The following FYN variants were observed in gnomAD, a reference collection of about 807,000 sequenced individuals.
The protein encoded by FYN is tyrosine-protein kinase Fyn.
Under a neutral mutation model 70.2 loss-of-function variants are expected in FYN, and 10 were observed. The ratio of observed to expected loss-of-function variants is 0.14; its 90% confidence interval spans 0.09 to 0.24. The LOEUF (loss-of-function observed/expected upper bound fraction) is 0.24. FYN is among the 10% of genes least tolerant of loss of function. FYN has a pLI of 1.00. For missense variants in FYN, 319 were observed against 673.1 expected (o/e 0.47, Z 5.82); for synonymous variants, 236 against 248.6 (o/e 0.95, Z 0.48).
At chr6:111,674,816 G>C (rs577639834) in intron 12 of FYN, among the ~76,000 whole-genome samples, 186 bp from the exon 13 acceptor site, 4 of 152,230 alleles carry the variant, frequency 2.6e-5, no homozygotes, top group Admixed American at 2.6e-4. Context: ...CTGTGTGACC[G>C]TAAGTAATCC....
intron 12 of FYN, among the ~76,000 whole-genome samples, chr6:111,693,708 A>T (rs804188): frequency 0.38 from 58,213 of 151,584 alleles, 15,555 homozygotes; most frequent in African/African-American, 0.75. Flanking sequence ...GTGTAAGTCC[A>T]CTCTCCACTC....
At chr6:111,840,451 A>C (rs1169302044) in intron 2 of FYN, among the ~76,000 whole-genome samples, 3 of 152,216 alleles carry the variant, frequency 2.0e-5, no homozygotes, top group African/African-American at 7.2e-5. Context: ...GAAAGACAGG[A>C]AACAGATTCT....
chr6:111,856,314 A>G (rs1773821660), intron 1 of FYN, among the ~76,000 whole-genome samples: 1 of 152,242 alleles, frequency 6.6e-6, no homozygotes. Flanking sequence ...ATGTACACAT[A>G]GAAGCCAATC....
rs772516880 is a variant in FYN, at chr6:111,714,454, G to A, written c.248-11C>T. The stretch of plus-strand genomic sequence containing the variant: ...CAAAGAGTGTCACTCCTGCCGAAAC[G>A]AAATTCACAAGAAGGGAGATTATTA... On this transcript the variant is annotated splice_polypyrimidine_tract_variant and intron_variant, in intron 4 of 13. Coordinates refer to ENST00000354650, the MANE Select transcript of FYN (RefSeq NM_002037.5). 1.8e-5 allele frequency: 29 copies of A among 1,590,404 alleles called. No individual in the cohort carries two copies. Among genetic ancestry groups the A allele is most frequent in the Non-Finnish European group, 2.5e-5 (29 of 1,158,632 alleles).
chr6:111,793,106 G>A (rs192579787), intron 2 of FYN, among the ~76,000 whole-genome samples: 3 of 152,040 alleles, frequency 2.0e-5, no homozygotes, highest in Non-Finnish European at 2.9e-5. Flanking sequence ...TATAAGTATC[G>A]AAAGCAAAAA....
chr6:111,763,559 T>C (rs1012336487), intron 3 of FYN, among the ~76,000 whole-genome samples: 1 of 152,182 alleles, frequency 6.6e-6, no homozygotes, highest in Non-Finnish European at 1.5e-5. Context: ...TTGGAAACCT[T>C]CCAACATTTT....
At position 111,724,769 on chromosome 6, in the gene FYN, C is replaced by T. The variant is rs1368853541; in HGVS notation, c.-11-4707G>A. On this transcript the variant is annotated intron_variant, in intron 3 of 13. Transcript: ENST00000354650. ...GAAGTGACAGCCCTTAGGCATAATC[C>T]CTGCTTCTGACAGCCTCCAGCAGAC... Among the ~76,000 whole-genome samples, 43 of 152,118 alleles carry T rather than the reference C, an allele frequency of 2.8e-4. 1 individual carries two copies. The highest frequency in any genetic ancestry group is 1.5e-5 in the Non-Finnish European group (1 of 68,028).
rs1001781343 is a variant in FYN at position 111,809,468 on chromosome 6, G to A, written c.-81-28833C>T. On this transcript the variant is annotated intron_variant, in intron 2 of 13. Transcript: ENST00000354650. Reference sequence around the variant, plus strand: ...TCCTCTGGATTAGTCATGGTGCTTCGTGGCATGGGGAATGATGTGAGCTCC... The same window carrying A: ...TCCTCTGGATTAGTCATGGTGCTTCATGGCATGGGGAATGATGTGAGCTCC... Among the ~76,000 whole-genome samples, 6 of 152,342 alleles carry A rather than the reference G, an allele frequency of 3.9e-5. 1 individual carries two copies. Among genetic ancestry groups the A allele is most frequent in the Non-Finnish European group, 1.5e-5 (1 of 68,030 alleles).
rs1292603529 is a variant in FYN at position 111,694,199 on chromosome 6, G to A, written c.1273+176C>T. Among the ~76,000 whole-genome samples the A allele has an allele frequency of 1.3e-5, 2 of 152,002 alleles. No homozygotes were observed. Among genetic ancestry groups the A allele is most frequent in the Non-Finnish European group, 2.9e-5 (2 of 68,024 alleles). Reference sequence around the variant, plus strand: ...TCATCCCTCCACTGGGCCCACAACAGTCTCCCACCTGCAGAGCTGTCAAAT... The same window carrying A: ...TCATCCCTCCACTGGGCCCACAACAATCTCCCACCTGCAGAGCTGTCAAAT... On this transcript the variant is annotated intron_variant, in intron 12 of 13. Transcript: ENST00000354650. This position sits in a 1 kb window ranked among gnomAD's most constrained non-coding sequence, Gnocchi z 5.0.
chr6:111,818,553 C>T (rs1208337270), intron 2 of FYN: 1 of 152,234 alleles, frequency 6.6e-6, no homozygotes, highest in East Asian at 1.9e-4. Context: ...GCCTGGTGGA[C>T]TGTGCTGTTC....
At chr6:111,802,582 C>T (rs1562527002) in intron 2 of FYN, among the ~76,000 whole-genome samples, 1 of 152,056 alleles carries the variant, frequency 6.6e-6, no homozygotes, top group Non-Finnish European at 1.5e-5. Flanking sequence ...CAGGTGCCTG[C>T]TATCACACCC....
intron 3 of FYN, among the ~76,000 whole-genome samples, chr6:111,746,576 G>A (rs1254772727): frequency 6.6e-6 from 1 of 152,020 alleles, no homozygotes; most frequent in Non-Finnish European, 1.5e-5. Flanking sequence ...AGTATTCCAT[G>A]GTATGAATAT....
chr6:111,808,641 T>A (rs1470001685), intron 2 of FYN, among the ~76,000 whole-genome samples: 1 of 151,644 alleles, frequency 6.6e-6, no homozygotes, highest in Non-Finnish European at 1.5e-5. Context: ...CAGAGCAGAG[T>A]GGAGAGTATT....
chr6:111,840,792 A>G (rs1773335915), intron 2 of FYN, among the ~76,000 whole-genome samples: 1 of 152,224 alleles, frequency 6.6e-6, no homozygotes, highest in African/African-American at 2.4e-5. Flanking sequence ...CATTCTTCAC[A>G]TATATTTTAT....
chr6:111,847,175 T>C (rs1305888931), intron 1 of FYN, among the ~76,000 whole-genome samples: 1 of 152,194 alleles, frequency 6.6e-6, no homozygotes, highest in Non-Finnish European at 1.5e-5. Context: ...TGCAGGAGGT[T>C]TGCCAACCCA....
chr6:111,674,793 G>A (rs1351395118), intron 12 of FYN, among the ~76,000 whole-genome samples, 163 bp from the exon 13 acceptor site: 2 of 152,026 alleles, frequency 1.3e-5, no homozygotes, highest in Non-Finnish European at 2.9e-5. Flanking sequence ...GAAGATGTAG[G>A]GTCTGGTCTT....
intron 10 of FYN, among the ~76,000 whole-genome samples, chr6:111,695,600 T>C (rs1434304989): frequency 4.6e-5 from 7 of 152,230 alleles, no homozygotes; most frequent in Admixed American, 4.6e-4. Context: ...CATTAAATTT[T>C]AAAAGAAAGT....
In FYN at chr6:111,661,580, T is replaced by A; in HGVS notation, c.*159A>T. 1.5e-6 allele frequency: 1 copy of A among 652,844 alleles called. No individual in the cohort carries two copies. Among genetic ancestry groups the A allele is most frequent in the Non-Finnish European group, 2.7e-6 (1 of 375,240 alleles). The allele number at this position is 652,844 out of a possible 1,614,324, so 40.4% of individuals were successfully genotyped here. On this transcript the variant is annotated 3_prime_UTR_variant, in exon 14 of 14. Coordinates refer to ENST00000354650, the MANE Select transcript of FYN (RefSeq NM_002037.5). This position sits in a 1 kb window ranked among gnomAD's most constrained non-coding sequence, Gnocchi z 4.0. ...GGAGGTTCGGATTTGGGGACAAGTG[T>A]CATTAATGAGGGCCATGGAAGTTCG...
At chr6:111,749,464 A>G (rs1280961895) in intron 3 of FYN, among the ~76,000 whole-genome samples, 1 of 152,250 alleles carries the variant, frequency 6.6e-6, no homozygotes, top group Non-Finnish European at 1.5e-5. Flanking sequence ...TACTTCTAAG[A>G]TGGAAAAACT....
Sources: allele counts gnomAD v4.1 joint callset (sites outside exome capture counted in the v4.1 genomes callset), GRCh38; gene constraint gnomAD v4.1.1; non-coding constraint Gnocchi (gnomAD v3.1); transcripts MANE v1.5; gene names NCBI Gene and HGNC (gene_info 2026-07-23, HGNC 2026-07-21).